The following NCOR1 variants were observed in gnomAD, a reference collection of about 807,000 sequenced individuals.
NCOR1 encodes the protein protein phosphatase 1, regulatory subunit 109.
NCOR1 carries 63 observed loss-of-function variants against 288.1 expected under a neutral mutation model. That is an observed-to-expected ratio of 0.22 (90% CI 0.18 to 0.27). The LOEUF (loss-of-function observed/expected upper bound fraction) is 0.27, where lower values mean the gene tolerates loss of function less well. Among genes scored for constraint, NCOR1 ranks in the 10% least tolerant of loss-of-function variants. The pLI is 1.00. For missense variants in NCOR1, 2,397 were observed against 3,019.2 expected, an observed-to-expected ratio of 0.79 and a Z score of 4.83; for synonymous variants, 1,007 against 1,065.9, an observed-to-expected ratio of 0.94 and a Z score of 1.08.
Position 16,086,279 on chromosome 17 carries a change from C to G in NCOR1, c.3177+3G>C. The G allele has an allele frequency of 6.2e-7, 1 of 1,613,314 alleles. No homozygotes were observed. Among genetic ancestry groups the G allele is most frequent in the Non-Finnish European group, 8.5e-7 (1 of 1,179,670 alleles). ...AATCTACTGTAAAGAGAAGTCGTTTCACCTGTGAGATGGAGCCTCCCATTA... is the reference window on the plus strand; with the variant it reads ...AATCTACTGTAAAGAGAAGTCGTTTGACCTGTGAGATGGAGCCTCCCATTA... On this transcript the variant is annotated splice_donor_region_variant and intron_variant, in intron 23 of 45. Transcript: ENST00000268712.
chr17:16,145,462 G>A lies in NCOR1; in HGVS notation c.1082+914C>T, dbSNP rs1395578468. Among the ~76,000 whole-genome samples, 5 of 123,246 alleles carry A rather than the reference G, an allele frequency of 4.1e-5. No homozygotes were observed. The East Asian group carries it at 8.1e-4, about 20-fold the overall frequency. The allele number at this position is 123,246 out of a possible 152,430, so 80.9% of individuals were successfully genotyped here. On this transcript the variant is annotated intron_variant, in intron 10 of 45. Transcript: ENST00000268712. ...TCGTCTGGGATGTGGGGAGTGCCTCGGCCCCACCGCCCCGTCTGGGATGTG... is the reference window on the plus strand; with the variant it reads ...TCGTCTGGGATGTGGGGAGTGCCTCAGCCCCACCGCCCCGTCTGGGATGTG...
At chr17:16,127,586 T>TATATGTATGTATATATACATATGTGC (rs1568206387) in intron 14 of NCOR1, among the ~76,000 whole-genome samples, 4 of 132,432 alleles carry the variant, frequency 3.0e-5, no homozygotes, top group African/African-American at 5.9e-5. Flanking sequence ...TACATATGTG[T>TATATGTATGTATATATACATATGTGC]ATATATGTAT....
rs575977134 is a variant in NCOR1, at chr17:16,127,286, T to C, written c.1510-1080A>G. Among the ~76,000 whole-genome samples, 4 of 131,432 alleles carry C rather than the reference T, an allele frequency of 3.0e-5. 1 individual carries two copies. Among genetic ancestry groups the C allele is most frequent in the South Asian group, 4.6e-4 (2 of 4,322 alleles). The allele number at this position is 131,432 out of a possible 152,430, so 86.2% of individuals were successfully genotyped here. A position where few individuals can be genotyped will look rare whatever the true frequency, so the allele number is the denominator to read the frequency against. ...GTATATATGTATGTATATATACGTG[T>C]ATATATGTATGTATGTATATATACA... On this transcript the variant is annotated intron_variant, in intron 14 of 45. Coordinates refer to ENST00000268712, the MANE Select transcript of NCOR1 (RefSeq NM_006311.4).
chr17:16,150,935 C>G (rs899480729), intron 8 of NCOR1, among the ~76,000 whole-genome samples: 1 of 151,932 alleles, frequency 6.6e-6, no homozygotes, highest in African/African-American at 2.4e-5. Flanking sequence ...TATTCAAATT[C>G]AATTGTTTTC....
chr17:16,054,911 A>C (rs1480350872), intron 40 of NCOR1, among the ~76,000 whole-genome samples: 1 of 152,206 alleles, frequency 6.6e-6, no homozygotes, highest in African/African-American at 2.4e-5. Context: ...TAGCCTGGGC[A>C]ACAGGGCAAG....
At chr17:16,109,533 G>T (rs1253720476) in intron 18 of NCOR1, among the ~76,000 whole-genome samples, 2 of 152,052 alleles carry the variant, frequency 1.3e-5, no homozygotes, top group Non-Finnish European at 2.9e-5. Flanking sequence ...ATGATCCCAT[G>T]AAAACATTAT....
At chr17:16,081,341 G>T (rs2063380399) in intron 23 of NCOR1, among the ~76,000 whole-genome samples, 1 of 144,652 alleles carries the variant, frequency 6.9e-6, no homozygotes, top group Non-Finnish European at 1.5e-5. Context: ...AAGAACCCTG[G>T]AAATTAACCA....
Position 16,098,441 on chromosome 17 carries a change from C to T in NCOR1, c.2746G>A (p.Val916Ile), listed in dbSNP as rs781456795. 69 of 1,613,578 alleles carry T rather than the reference C, an allele frequency of 4.3e-5. No homozygotes were observed. The Middle Eastern group carries it at 4.9e-4, about 12-fold the overall frequency. ...SLLNPTGSIL[V>I]SSPLKPNPLD... ...GGATTTGGTTTTAACGGAGATGAGA[C>T]GAGTATAGATCCAGTGGGGTTTAAC... is the stretch of plus-strand genomic sequence containing the variant. Residue 916 changes from valine (V) to isoleucine (I), a missense_variant, in exon 21 of 46, where the codon GTC (valine) becomes ATC (isoleucine). Physicochemically the swap from Val to Ile is conservative, Grantham distance 29. Coordinates refer to ENST00000268712, the MANE Select transcript of NCOR1 (RefSeq NM_006311.4).
At chr17:16,145,342 G>A (rs149657332) in intron 10 of NCOR1, among the ~76,000 whole-genome samples, 3 of 151,098 alleles carry the variant, frequency 2.0e-5, no homozygotes, top group African/African-American at 4.9e-5. Context: ...AGTGAGGAGC[G>A]TCTCTGCCTG....
intron 6 of NCOR1, among the ~76,000 whole-genome samples, chr17:16,156,025 G>T (rs907677979): frequency 6.6e-6 from 1 of 152,166 alleles, no homozygotes; most frequent in African/African-American, 2.4e-5. Context: ...AGGCATGGGG[G>T]CTCACACGTG....
At chr17:16,045,744 G>A (rs2058546390) in intron 42 of NCOR1, among the ~76,000 whole-genome samples, 1 of 152,106 alleles carries the variant, frequency 6.6e-6, no homozygotes, top group Non-Finnish European at 1.5e-5. Context: ...GATCTCAGGT[G>A]ATCAACCCGT....
chr17:16,049,681 G>C (rs537306994), intron 40 of NCOR1, among the ~76,000 whole-genome samples: 2 of 151,778 alleles, frequency 1.3e-5, no homozygotes, highest in African/African-American at 4.8e-5. Flanking sequence ...CCAGGTTCAA[G>C]CAATTCTCCT....
At chr17:16,182,366 T>G (rs1261567646) in intron 3 of NCOR1, among the ~76,000 whole-genome samples, 2 of 152,232 alleles carry the variant, frequency 1.3e-5, no homozygotes, top group Non-Finnish European at 2.9e-5. Flanking sequence ...CTACTACTAC[T>G]AATTGTCATA....
rs1206919846 is a variant in NCOR1 at position 16,092,056 on chromosome 17, T to C, written c.2823A>G (p.Val941=). 1.2e-6 allele frequency: 2 copies of C among 1,613,766 alleles called. No individual in the cohort carries two copies. The highest frequency in any genetic ancestry group is 1.7e-5 in the Admixed American group (1 of 60,032). The part of the protein sequence containing the change: ...QHRAAVIPPM[V]SCTPCNIPIG... ...TTGGTATGTTACATGGGGTGCAGGATACCTATAGGAAGAAAATAAATCGAA... is the reference window on the plus strand; with the variant it reads ...TTGGTATGTTACATGGGGTGCAGGACACCTATAGGAAGAAAATAAATCGAA... Residue 941 remains valine, a splice_region_variant and synonymous_variant, in exon 22 of 46, where the codon GTA becomes GTG. Transcript: ENST00000268712.
chr17:16,061,287 C>A, intron 37 of NCOR1, 114 bp downstream of exon 37: 1 of 1,305,000 alleles, frequency 7.7e-7, no homozygotes, highest in Non-Finnish European at 1.0e-6. Context: ...TTTTGCATTA[C>A]ATTTACTATC....
intron 40 of NCOR1, among the ~76,000 whole-genome samples, chr17:16,052,894 T>TC (rs2059482466): frequency 6.6e-6 from 1 of 152,192 alleles, no homozygotes; most frequent in Non-Finnish European, 1.5e-5. Context: ...AAAAAGCTTA[T>TC]CCACCACAAT....
rs1200358570 is a variant in NCOR1 at position 16,047,077 on chromosome 17, G to A, written c.6553C>T (p.Pro2185Ser). 1 of 1,612,688 alleles carries A rather than the reference G, an allele frequency of 6.2e-7. No individual in the cohort carries two copies. The highest frequency in any genetic ancestry group is 1.7e-5 in the Admixed American group (1 of 59,816). The change falls in exon 42 of 46, where the codon CCA becomes TCA. Residue 2185 changes from proline (P) to serine (S), a missense_variant. By Grantham distance (74) the Pro-to-Ser change is moderately conservative. Around this residue, in one of 11 missense-constraint regions of NCOR1, gnomAD observed 1,872 missense variants for 2,187.8 expected, o/e 0.86. Coordinates refer to ENST00000268712, the MANE Select transcript of NCOR1 (RefSeq NM_006311.4). ...GAAGGCAAGTAGCTTATACTCCCTG[G>A]TGAGCGGGCATCATTCCTGTTAGGG... The part of the protein sequence containing the change: ...PAEQRNDARS[P>S]GSISYLPSFF...
chr17:16,080,338 A>G, intron 25 of NCOR1, 70 bp downstream of exon 25: 1 of 1,243,934 alleles, frequency 8.0e-7, no homozygotes, highest in Non-Finnish European at 1.1e-6. Context: ...ATTAAAATAT[A>G]TTAATAACTT....
intron 4 of NCOR1, among the ~76,000 whole-genome samples, chr17:16,167,146 C>T (rs2082170780): frequency 6.6e-6 from 1 of 152,140 alleles, no homozygotes; most frequent in Non-Finnish European, 1.5e-5. Context: ...AAGTGCTCCT[C>T]AGGTGATTCT....
Sources: allele counts gnomAD v4.1 joint callset (sites outside exome capture counted in the v4.1 genomes callset), GRCh38; gene constraint gnomAD v4.1.1; regional missense constraint gnomAD v4.1.1; transcripts MANE v1.5; gene names NCBI Gene and HGNC (gene_info 2026-07-23, HGNC 2026-07-21).